GRM5: variants seen among roughly 807,000 people sequenced by gnomAD.
GRM5 encodes the protein metabotropic glutamate receptor 5.
A neutral mutation model predicts 83.1 loss-of-function variants in GRM5; 19 were observed. That is an observed-to-expected ratio of 0.23 (90% CI 0.16 to 0.34). The LOEUF (loss-of-function observed/expected upper bound fraction) is 0.34, where lower values mean the gene tolerates loss of function less well. Among genes scored for constraint, GRM5 ranks in the 10% least tolerant of loss-of-function variants. The pLI is 1.00. For missense variants in GRM5, 1,160 were observed against 1,588.3 expected (o/e 0.73, Z 4.58); for synonymous variants, 675 against 633.6 (o/e 1.07, Z -0.98).
chr11:89,024,572 T>C (rs1941082324), intron 2 of GRM5, among the ~76,000 whole-genome samples: 1 of 152,256 alleles, frequency 6.6e-6, no homozygotes, highest in South Asian at 2.1e-4. Context: ...TGTTTATGTA[T>C]ATCTTATCAC....
chr11:89,009,564 T>C (rs1940624109), intron 2 of GRM5, among the ~76,000 whole-genome samples: 1 of 152,030 alleles, frequency 6.6e-6, no homozygotes, highest in Non-Finnish European at 1.5e-5. Flanking sequence ...AAAAAGTGTT[T>C]AAGATCTAAA....
At chr11:88,658,601 A>G (rs1011365045) in intron 3 of GRM5, among the ~76,000 whole-genome samples, 1 of 152,178 alleles carries the variant, frequency 6.6e-6, no homozygotes, top group African/African-American at 2.4e-5. Flanking sequence ...CATACAAATG[A>G]TTATTATGGG....
intron 3 of GRM5, among the ~76,000 whole-genome samples, chr11:88,792,930 A>G (rs955994575): frequency 2.6e-5 from 4 of 152,130 alleles, no homozygotes; most frequent in Admixed American, 6.5e-5. Flanking sequence ...GATGGGCATG[A>G]TCTATTTTTG....
Position 88,722,840 on chromosome 11 carries a change from T to C in GRM5, c.912-69437A>G, listed in dbSNP as rs147725481. Among the ~76,000 whole-genome samples, 955 of 152,240 alleles carry C rather than the reference T, an allele frequency of 6.3e-3. 3 individuals carry two copies. Among genetic ancestry groups the C allele is most frequent in the Non-Finnish European group, 0.01 (682 of 68,020 alleles). On this transcript the variant is annotated intron_variant, in intron 3 of 9. Coordinates refer to ENST00000305447, the MANE Select transcript of GRM5 (RefSeq NM_001143831.3). ...TATTATTGTAGAATAGTTGTTACAA[T>C]TGATGAATCAATATTGATACATTAT... is the stretch of plus-strand genomic sequence containing the variant.
At chr11:88,872,815 C>A (rs1475326635) in intron 2 of GRM5, among the ~76,000 whole-genome samples, 1 of 151,158 alleles carries the variant, frequency 6.6e-6, no homozygotes. Flanking sequence ...AAAGGATCAA[C>A]AAATCAACTG....
intron 2 of GRM5, among the ~76,000 whole-genome samples, chr11:88,990,917 G>A (rs368516962): frequency 6.6e-6 from 1 of 152,154 alleles, no homozygotes; most frequent in Non-Finnish European, 1.5e-5. Flanking sequence ...TACTGAATGG[G>A]CAAAAACTGG....
At chr11:88,716,120 A>G (rs1273617001) in intron 3 of GRM5, among the ~76,000 whole-genome samples, 2 of 152,018 alleles carry the variant, frequency 1.3e-5, no homozygotes, top group African/African-American at 4.8e-5. Context: ...GAGAGTTTGT[A>G]AGGCAGAGAT....
At chr11:88,584,065 A>G (rs1259191302) in intron 7 of GRM5, among the ~76,000 whole-genome samples, 2 of 152,116 alleles carry the variant, frequency 1.3e-5, no homozygotes, top group Admixed American at 1.3e-4. Context: ...CTTATCTTTT[A>G]GTGTTAAATA....
At chr11:88,661,519 C>T (rs1319324333) in intron 3 of GRM5, among the ~76,000 whole-genome samples, 1 of 151,690 alleles carries the variant, frequency 6.6e-6, no homozygotes, top group East Asian at 1.9e-4. Context: ...GCTGTTCTAC[C>T]CACATGTAAT....
intron 4 of GRM5, among the ~76,000 whole-genome samples, chr11:88,611,992 GT>G (rs1297687200): frequency 6.6e-6 from 1 of 150,920 alleles, no homozygotes; most frequent in Non-Finnish European, 1.5e-5. Flanking sequence ...TATACTTTAA[GT>G]TTTAGGGTAC....
intron 3 of GRM5, among the ~76,000 whole-genome samples, chr11:88,750,525 T>C (rs778246146): frequency 1.3e-5 from 2 of 151,922 alleles, no homozygotes; most frequent in African/African-American, 2.4e-5. Flanking sequence ...TATTAGATCA[T>C]TGGGATAGAA....
At chr11:88,799,521 C>T (rs1030294631) in intron 3 of GRM5, among the ~76,000 whole-genome samples, 12 of 151,960 alleles carry the variant, frequency 7.9e-5, no homozygotes, top group Non-Finnish European at 1.8e-4. Context: ...ATTATGAGTG[C>T]AGTGGAGTTA....
intron 4 of GRM5, among the ~76,000 whole-genome samples, chr11:88,615,422 C>T (rs1938448594): frequency 6.6e-6 from 1 of 152,144 alleles, no homozygotes; most frequent in Non-Finnish European, 1.5e-5. Context: ...GGCATCAGGA[C>T]TTCAAGTCAT....
intron 3 of GRM5, among the ~76,000 whole-genome samples, chr11:88,776,609 C>T (rs373397646): frequency 3.9e-5 from 6 of 152,108 alleles, no homozygotes; most frequent in South Asian, 4.1e-4. Context: ...GTGCTTCCTG[C>T]GGGAGCTCTT....
At position 88,974,940 on chromosome 11, in the gene GRM5, T is replaced by G. The variant is rs78426176; in HGVS notation, c.661+72272A>C. 1.2e-4 allele frequency among the ~76,000 whole-genome samples: 18 copies of G among 152,308 alleles called. No individual in the cohort carries two copies. The East Asian group carries it at 3.3e-3, about 28-fold the overall frequency. ...TTCTGAAGACCTTGTCTTAGATAATTGCAGTGGATGGGAATATCAAACACA... is the reference window on the plus strand; with the variant it reads ...TTCTGAAGACCTTGTCTTAGATAATGGCAGTGGATGGGAATATCAAACACA... On this transcript the variant is annotated intron_variant, in intron 2 of 9. Coordinates refer to ENST00000305447, the MANE Select transcript of GRM5 (RefSeq NM_001143831.3).
At chr11:89,057,067 A>G (rs1941892670) in intron 1 of GRM5, among the ~76,000 whole-genome samples, 1 of 152,158 alleles carries the variant, frequency 6.6e-6, no homozygotes. Context: ...ATTTTCAACA[A>G]TCTTCTAAAA....
intron 3 of GRM5, among the ~76,000 whole-genome samples, chr11:88,788,364 G>A (rs1008027226): frequency 3.3e-5 from 5 of 152,060 alleles, no homozygotes; most frequent in South Asian, 2.1e-4. Context: ...ATCCTGAGAG[G>A]GATTGGAAAA....
chr11:88,663,696 G>A (rs1939963252), intron 3 of GRM5, among the ~76,000 whole-genome samples: 1 of 152,118 alleles, frequency 6.6e-6, no homozygotes, highest in African/African-American at 2.4e-5. Context: ...AGTGGGACTA[G>A]TGCTTAGAGT....
chr11:88,982,455 T>C (rs1278784782), intron 2 of GRM5, among the ~76,000 whole-genome samples: 1 of 152,172 alleles, frequency 6.6e-6, no homozygotes, highest in African/African-American at 2.4e-5. Context: ...AAATTTGTCA[T>C]TGCCAAATTA....
Sources: allele counts gnomAD v4.1 joint callset (sites outside exome capture counted in the v4.1 genomes callset), GRCh38; gene constraint gnomAD v4.1.1; transcripts MANE v1.5; gene names NCBI Gene and HGNC (gene_info 2026-07-23, HGNC 2026-07-21).